Variants in CADM2 observed in about 807,000 individuals in gnomAD.
CADM2 encodes immunoglobulin superfamily member 4D.
A neutral mutation model predicts 49.8 loss-of-function variants in CADM2; 12 were observed. The ratio of observed to expected loss-of-function variants is 0.24; its 90% CI spans 0.15 to 0.39. The LOEUF is 0.39. Among genes scored for constraint, CADM2 ranks in the 10% least tolerant of loss-of-function variants. The probability of loss-of-function intolerance (pLI) is 1.00; values close to 1 mark genes in which losing one functional copy is unlikely to be tolerated. For missense variants in CADM2, 378 were observed against 492.3 expected, an observed-to-expected ratio of 0.77 and a Z score of 2.20; for synonymous variants, 214 against 175.4, an observed-to-expected ratio of 1.22 and a Z score of -1.74.
intron 1 of CADM2, among the ~76,000 whole-genome samples, chr3:85,284,110 C>T (rs1212443056): frequency 6.6e-6 from 1 of 152,122 alleles, no homozygotes; most frequent in African/African-American, 2.4e-5. Context: ...GATAATTAAA[C>T]TCTACGGAAT....
At chr3:85,125,619 T>G (rs2039007794) in intron 1 of CADM2, among the ~76,000 whole-genome samples, 1 of 152,146 alleles carries the variant, frequency 6.6e-6, no homozygotes, top group Admixed American at 6.5e-5. Flanking sequence ...CCTGGCCTCC[T>G]CCCAAAGTGC....
At chr3:85,455,834 T>C (rs1001573196) in intron 1 of CADM2, among the ~76,000 whole-genome samples, 3 of 152,156 alleles carry the variant, frequency 2.0e-5, no homozygotes, top group Non-Finnish European at 2.9e-5. Flanking sequence ...AGAAAGTGGG[T>C]ATGAGTGTGT....
intron 1 of CADM2, among the ~76,000 whole-genome samples, chr3:84,995,879 T>C (rs1016851233): frequency 2.0e-5 from 3 of 152,140 alleles, no homozygotes; most frequent in Non-Finnish European, 2.9e-5. Context: ...AAATGCCTGA[T>C]GGGATTTCTG....
In CADM2 at chr3:85,072,797, A is replaced by G. The variant is rs962375139; in HGVS notation, c.61+113129A>G. On this transcript the variant is annotated intron_variant, in intron 1 of 9. Coordinates refer to ENST00000383699, the MANE Select transcript of CADM2 (RefSeq NM_001167675.2). ...TTATTGACAGTTTACTTAGAGAAAT[A>G]TTTTTATCATTTAAAATCTTCTAAA... Among the ~76,000 whole-genome samples, 13 of 152,204 alleles carry G rather than the reference A, an allele frequency of 8.5e-5. No homozygotes were observed. The East Asian group carries it at 1.3e-3, about 16-fold the overall frequency.
intron 8 of CADM2, among the ~76,000 whole-genome samples, chr3:85,976,367 A>G (rs1264834847): frequency 6.6e-6 from 1 of 151,604 alleles, no homozygotes; most frequent in Non-Finnish European, 1.5e-5. Flanking sequence ...GGTAGAAGAC[A>G]GACGTTTCAT....
intron 2 of CADM2, among the ~76,000 whole-genome samples, chr3:85,760,474 C>G (rs963806469): frequency 6.6e-6 from 1 of 152,108 alleles, no homozygotes; most frequent in African/African-American, 2.4e-5. Context: ...TATTTGTCCA[C>G]TGCATCTGTA....
At chr3:85,521,180 A>G (rs758690556) in intron 1 of CADM2, among the ~76,000 whole-genome samples, 1 of 152,154 alleles carries the variant, frequency 6.6e-6, no homozygotes, top group South Asian at 2.1e-4. Flanking sequence ...CTAGGAATAA[A>G]GCAGCTATTT....
chr3:85,718,171 A>G (rs1313773080), intron 1 of CADM2, among the ~76,000 whole-genome samples: 1 of 152,224 alleles, frequency 6.6e-6, no homozygotes, highest in African/African-American at 2.4e-5. Flanking sequence ...ATATGTATAT[A>G]TAACCCATAA....
At chr3:85,140,374 G>A (rs1022894551) in intron 1 of CADM2, among the ~76,000 whole-genome samples, 13 of 152,020 alleles carry the variant, frequency 8.6e-5, no homozygotes, top group African/African-American at 2.9e-4. Flanking sequence ...TGTGCATTGA[G>A]TAGGTCAAAA....
chr3:85,177,292 C>T (rs996636747), intron 1 of CADM2, among the ~76,000 whole-genome samples: 3 of 151,960 alleles, frequency 2.0e-5, no homozygotes, highest in African/African-American at 7.2e-5. Context: ...GAATGGTCTT[C>T]TATATTCAAG....
At position 85,658,615 on chromosome 3, in the gene CADM2, T is replaced by TATATAC. The variant is rs1553656735; in HGVS notation, c.62-67904_62-67903insTACATA. On this transcript the variant is annotated intron_variant, in intron 1 of 9. Coordinates refer to ENST00000383699, the MANE Select transcript of CADM2 (RefSeq NM_001167675.2). ...ATATATATATATATATATATATATA[T>TATATAC]ATACATGTATGCATATGTTTGTTTA... Among the ~76,000 whole-genome samples, 211 of 132,162 alleles carry TATATAC rather than the reference T, an allele frequency of 1.6e-3. 1 individual carries two copies. The highest frequency in any genetic ancestry group is 5.7e-3 in the African/African-American group (197 of 34,476). The allele number at this position is 132,162 out of a possible 152,430, so 86.7% of individuals were successfully genotyped here.
intron 2 of CADM2, among the ~76,000 whole-genome samples, chr3:85,732,417 T>C (rs1435488903): frequency 1.3e-5 from 2 of 152,100 alleles, no homozygotes; most frequent in Non-Finnish European, 2.9e-5. Context: ...GTTAGACATA[T>C]AGAAGGGAAT....
chr3:85,675,481 T>C (rs1335020711), intron 1 of CADM2, among the ~76,000 whole-genome samples: 2 of 152,202 alleles, frequency 1.3e-5, no homozygotes, highest in East Asian at 1.9e-4. Flanking sequence ...ATTGTGTTTA[T>C]ACCATGGATC....
intron 5 of CADM2, among the ~76,000 whole-genome samples, chr3:85,893,331 A>G (rs1714730659): frequency 6.6e-6 from 1 of 152,184 alleles, no homozygotes; most frequent in Non-Finnish European, 1.5e-5. Flanking sequence ...CCTACACCTT[A>G]TACAAAAATT....
chr3:86,054,640 A>T (rs1737708571), intron 8 of CADM2, among the ~76,000 whole-genome samples: 1 of 152,106 alleles, frequency 6.6e-6, no homozygotes, highest in African/African-American at 2.4e-5. Flanking sequence ...CTAAGTATTT[A>T]AAAAATTCTT....
intron 1 of CADM2, among the ~76,000 whole-genome samples, chr3:85,038,546 A>G (rs2035310037): frequency 6.6e-6 from 1 of 152,190 alleles, no homozygotes; most frequent in Non-Finnish European, 1.5e-5. Context: ...TACATTTTTT[A>G]TATCAAGCCC....
At chr3:86,032,275 A>T (rs576376226) in intron 8 of CADM2, among the ~76,000 whole-genome samples, 16 of 151,952 alleles carry the variant, frequency 1.1e-4, no homozygotes, top group African/African-American at 3.9e-4. Flanking sequence ...GGTAATTTGT[A>T]TGCCAGTTAT....
chr3:85,683,729 T>C (rs1487067829), intron 1 of CADM2, among the ~76,000 whole-genome samples: 1 of 152,206 alleles, frequency 6.6e-6, no homozygotes, highest in Non-Finnish European at 1.5e-5. Context: ...ATTTTTATAC[T>C]TGCAGTTGTG....
chr3:85,061,356 A>G (rs752042375), intron 1 of CADM2, among the ~76,000 whole-genome samples: 5 of 152,178 alleles, frequency 3.3e-5, no homozygotes, highest in Non-Finnish European at 7.4e-5. Flanking sequence ...TGAATTATAT[A>G]TAAATTACAC....
Sources: allele counts gnomAD v4.1 joint callset (sites outside exome capture counted in the v4.1 genomes callset), GRCh38; gene constraint gnomAD v4.1.1; transcripts MANE v1.5; gene names NCBI Gene and HGNC (gene_info 2026-07-23, HGNC 2026-07-21).